Variants in GADL1 observed in about 807,000 individuals in gnomAD.
GADL1 encodes the protein acidic amino acid decarboxylase GADL1.
Under a neutral mutation model 69.5 loss-of-function variants are expected in GADL1, and 71 were observed. The observed-to-expected ratio is 1.02, with a 90% CI of 0.84 to 1.25. The LOEUF is 1.25. GADL1 is among the 50% of genes most tolerant of loss of function. The pLI is 0.00. For missense variants in GADL1, 737 were observed against 631.8 expected (o/e 1.17, Z -1.79); for synonymous variants, 254 against 214.4 (o/e 1.18, Z -1.62).
At chr3:30,784,218 T>A (rs1696737895) in intron 13 of GADL1, among the ~76,000 whole-genome samples, 1 of 152,210 alleles carries the variant, frequency 6.6e-6, no homozygotes, top group Non-Finnish European at 1.5e-5. Flanking sequence ...CAGTTCATAT[T>A]CAAAACTCCC....
At chr3:30,845,579 A>G (rs1559359412) in intron 6 of GADL1, among the ~76,000 whole-genome samples, 3 of 152,194 alleles carry the variant, frequency 2.0e-5, no homozygotes, top group African/African-American at 7.2e-5. Flanking sequence ...CAGAAGTAAC[A>G]TCAGGAAAAA....
intron 12 of GADL1, among the ~76,000 whole-genome samples, chr3:30,786,613 G>A (rs1696796201): frequency 6.6e-6 from 1 of 152,160 alleles, no homozygotes; most frequent in Non-Finnish European, 1.5e-5. Flanking sequence ...TCTTTTTGAT[G>A]ATGATATCTA....
intron 11 of GADL1, among the ~76,000 whole-genome samples, chr3:30,806,208 A>T (rs1019477936): frequency 2.0e-5 from 3 of 152,128 alleles, no homozygotes; most frequent in East Asian, 3.9e-4. Flanking sequence ...CCATATTTAC[A>T]TGCAAAAAAA....
At chr3:30,749,199 T>G (rs1363411178) in intron 14 of GADL1, among the ~76,000 whole-genome samples, 1 of 152,212 alleles carries the variant, frequency 6.6e-6, no homozygotes, top group Non-Finnish European at 1.5e-5. Context: ...GAGTAATTGA[T>G]TCTATCCAGT....
At chr3:30,857,242 G>A (rs540497569) in intron 2 of GADL1, 101 bp from the exon 3 acceptor site, 53 of 994,624 alleles carry the variant, frequency 5.3e-5, no homozygotes, top group Admixed American at 7.2e-5. Flanking sequence ...TCTGGGCAGC[G>A]GGTGATTTAA....
intron 11 of GADL1, among the ~76,000 whole-genome samples, chr3:30,802,586 A>T (rs1334048696): frequency 2.0e-5 from 3 of 152,240 alleles, no homozygotes; most frequent in Non-Finnish European, 4.4e-5. Context: ...GCTTGTGCTA[A>T]TTAGCTGAAT....
At chr3:30,796,694 A>G (rs1697039734) in intron 12 of GADL1, among the ~76,000 whole-genome samples, 1 of 152,242 alleles carries the variant, frequency 6.6e-6, no homozygotes, top group Admixed American at 6.5e-5. Context: ...AGATGCAGAG[A>G]GACTGAGGAC....
At chr3:30,784,049 C>T (rs868472799) in intron 13 of GADL1, among the ~76,000 whole-genome samples, 3 of 152,044 alleles carry the variant, frequency 2.0e-5, no homozygotes, top group African/African-American at 7.2e-5. Flanking sequence ...AACTCAAACC[C>T]GAGAAAATAT....
intron 14 of GADL1, among the ~76,000 whole-genome samples, chr3:30,761,010 T>C (rs1052279379): frequency 3.8e-4 from 58 of 151,980 alleles, no homozygotes; most frequent in African/African-American, 1.4e-3. Flanking sequence ...AGGATTAAAA[T>C]TTACCATGCA....
intron 1 of GADL1, among the ~76,000 whole-genome samples, chr3:30,862,756 T>C (rs1190239155): frequency 6.6e-6 from 1 of 152,018 alleles, no homozygotes; most frequent in African/African-American, 2.4e-5. Flanking sequence ...AGCTAGCTGC[T>C]TCCTTCTTGA....
At chr3:30,810,418 G>T (rs1470699981) in intron 11 of GADL1, among the ~76,000 whole-genome samples, 2 of 151,872 alleles carry the variant, frequency 1.3e-5, no homozygotes, top group South Asian at 2.1e-4. Flanking sequence ...TAGATATAGA[G>T]ATATATATAT....
At chr3:30,842,843 AG>A (rs1369923454) in intron 8 of GADL1, among the ~76,000 whole-genome samples, 161 of 150,484 alleles carry the variant, frequency 1.1e-3, no homozygotes, top group Non-Finnish European at 1.1e-3. Context: ...AAAAAAAAAA[AG>A]TAGGACACAC....
chr3:30,869,341 T>C (rs990040258), intron 1 of GADL1, among the ~76,000 whole-genome samples: 14 of 151,758 alleles, frequency 9.2e-5, no homozygotes, highest in African/African-American at 3.4e-4. Context: ...AAAAATGACA[T>C]GCCAATGAGA....
chr3:30,843,776 T>A (rs1414575013), intron 8 of GADL1, among the ~76,000 whole-genome samples: 1 of 151,830 alleles, frequency 6.6e-6, no homozygotes, highest in African/African-American at 2.4e-5. Context: ...GGAGAATAGG[T>A]TGGTCAAGAA....
intron 14 of GADL1, among the ~76,000 whole-genome samples, chr3:30,755,815 C>T (rs1282349057): frequency 2.5e-5 from 3 of 117,892 alleles, no homozygotes; most frequent in Non-Finnish European, 4.8e-5. Flanking sequence ...TAAACAAATG[C>T]CAAAGGTACT....
intron 13 of GADL1, among the ~76,000 whole-genome samples, chr3:30,785,272 ATTGG>A (rs1696763367): frequency 2.0e-5 from 3 of 152,108 alleles, no homozygotes; most frequent in African/African-American, 7.2e-5. Flanking sequence ...TAAACATGAA[ATTGG>A]GGGACCTTTT....
At chr3:30,761,537 A>C (rs560208833) in intron 14 of GADL1, among the ~76,000 whole-genome samples, 1 of 152,324 alleles carries the variant, frequency 6.6e-6, no homozygotes, top group South Asian at 2.1e-4. Context: ...TTTTAGTGCA[A>C]AGAATTATTG....
chr3:30,769,406 A>C (rs1696363866), intron 14 of GADL1, among the ~76,000 whole-genome samples: 1 of 151,974 alleles, frequency 6.6e-6, no homozygotes, highest in African/African-American at 2.4e-5. Flanking sequence ...ACACCCAGAT[A>C]CCTCCTTAGG....
At chr3:30,894,245 T>C (rs982666125) in intron 1 of GADL1, among the ~76,000 whole-genome samples, 1 of 152,188 alleles carries the variant, frequency 6.6e-6, no homozygotes, top group South Asian at 2.1e-4. Flanking sequence ...CAAAATCATC[T>C]TTTTTACAGG....
Sources: gnomAD v4.1 joint callset for allele counts (sites outside exome capture counted in the v4.1 genomes callset) on GRCh38, gnomAD v4.1.1 for gene constraint, MANE v1.5 for transcripts, NCBI Gene and HGNC (gene_info 2026-07-23, HGNC 2026-07-21) for gene names.